The following XIRP2 variants were observed in gnomAD, a reference collection of about 807,000 sequenced individuals.
XIRP2 encodes the protein xin actin-binding repeat-containing protein 2.
Under a neutral mutation model 277.0 loss-of-function variants are expected in XIRP2, and 236 were observed. The observed-to-expected ratio is 0.85, with a 90% confidence interval of 0.77 to 0.95. The LOEUF (loss-of-function observed/expected upper bound fraction) is 0.95, where lower values mean the gene tolerates loss of function less well. Among genes scored for constraint, XIRP2 ranks in the 40% least tolerant of loss-of-function variants. The pLI, the probability that XIRP2 is intolerant of heterozygous loss-of-function variation, is 0.00. For synonymous variants in XIRP2, 1,490 were observed against 1,416.5 expected (o/e 1.05, Z -1.17); for missense variants, 4,640 against 4,157.5 (o/e 1.12, Z -3.19).
chr2:167,009,957 G>A (rs1220257712), intron 2 of XIRP2, among the ~76,000 whole-genome samples: 3 of 151,976 alleles, frequency 2.0e-5, no homozygotes, highest in Admixed American at 2.0e-4. Flanking sequence ...TATAGATTCT[G>A]GATATTAGCC....
At position 167,247,502 on chromosome 2, in the gene XIRP2, ATGCTC is replaced by A; in HGVS notation, c.6113_6117del (p.Ala2038GlyfsTer5). The stretch of plus-strand genomic sequence containing the variant: ...GTCATAGATCGTGAACAAAACAATG[ATGCTC>A]TGGAGAAAAGCCTTAGAAGACTATC... On this transcript the variant is annotated frameshift_variant, in exon 9 of 11. Transcript: ENST00000409195. LOFTEE classifies it high-confidence loss of function. 6.2e-7 allele frequency: 1 copy of A among 1,613,780 alleles called. No individual in the cohort carries two copies. Among genetic ancestry groups the A allele is most frequent in the Non-Finnish European group, 8.5e-7 (1 of 1,179,794 alleles).
chr2:167,134,828 G>A (rs970944688), intron 2 of XIRP2, among the ~76,000 whole-genome samples: 1 of 152,192 alleles, frequency 6.6e-6, no homozygotes, highest in East Asian at 1.9e-4. Flanking sequence ...GCAATACTAC[G>A]ATAGTCCATC....
chr2:167,234,976 C>T (rs932489717), intron 5 of XIRP2, among the ~76,000 whole-genome samples: 10 of 151,766 alleles, frequency 6.6e-5, no homozygotes, highest in Non-Finnish European at 1.5e-4. Context: ...AACATAGAAA[C>T]GAGTTTGTTT....
At position 167,249,032 on chromosome 2, in the gene XIRP2, C is replaced by A; in HGVS notation, c.7640C>A (p.Ala2547Asp). The change falls in exon 9 of 11, where the codon GCT becomes GAT. Residue 2547 changes from alanine to aspartate, a missense_variant. Transcript: ENST00000409195. Reference sequence around the variant, plus strand: ...AAATTTAAGACACCTTTAATGATTGCTGAAGAAAAATATAGACAACAAAAA... The same window carrying A: ...AAATTTAAGACACCTTTAATGATTGATGAAGAAAAATATAGACAACAAAAA... ...MRKFKTPLMI[A>D]EEKYRQQKEE... 1 of 1,610,982 alleles carries A rather than the reference C, an allele frequency of 6.2e-7. No individual in the cohort carries two copies. Among genetic ancestry groups the A allele is most frequent in the African/African-American group, 1.3e-5 (1 of 74,566 alleles).
intron 2 of XIRP2, among the ~76,000 whole-genome samples, chr2:166,918,874 G>A (rs1367011074): frequency 2.0e-5 from 3 of 152,044 alleles, no homozygotes; most frequent in South Asian, 2.1e-4. Flanking sequence ...CATCTAAACC[G>A]GTCTCAGGGT....
chr2:167,042,546 AG>A (rs1558959505), intron 2 of XIRP2, among the ~76,000 whole-genome samples: 2 of 152,192 alleles, frequency 1.3e-5, no homozygotes, highest in African/African-American at 4.8e-5. Flanking sequence ...AAAAATGAAC[AG>A]GGGTTGCCAT....
In XIRP2 at chr2:167,243,528, G is replaced by A. The variant is rs760074894; in HGVS notation, c.2136G>A (p.Glu712=). 2 of 1,614,024 alleles carry A rather than the reference G, an allele frequency of 1.2e-6. No homozygotes were observed. ...DQLGQLHSVD[E]VHLLQLRSEL... ...TTGGACAGCTTCATTCAGTGGATGAGGTTCATTTACTGCAGCTTAGGTCTG... is the reference window on the plus strand; with the variant it reads ...TTGGACAGCTTCATTCAGTGGATGAAGTTCATTTACTGCAGCTTAGGTCTG... Residue 712 remains glutamate (E), a synonymous_variant, in exon 9 of 11, where the codon GAG becomes GAA. Transcript: ENST00000409195.
chr2:166,974,288 A>C (rs1384737331), intron 2 of XIRP2, among the ~76,000 whole-genome samples: 1 of 152,188 alleles, frequency 6.6e-6, no homozygotes, highest in East Asian at 1.9e-4. Context: ...GAAATCCTTC[A>C]GTATGAAGAA....
At chr2:167,053,244 G>A (rs943191744) in intron 2 of XIRP2, among the ~76,000 whole-genome samples, 1 of 152,164 alleles carries the variant, frequency 6.6e-6, no homozygotes, top group Non-Finnish European at 1.5e-5. Flanking sequence ...AATGGGACAT[G>A]GACATATTGA....
chr2:167,065,700 G>A (rs1021556982), intron 2 of XIRP2, among the ~76,000 whole-genome samples: 3 of 151,680 alleles, frequency 2.0e-5, no homozygotes, highest in Admixed American at 1.3e-4. Flanking sequence ...ATTTCTTTAT[G>A]AGATCCAAAT....
At chr2:167,157,425 A>G (rs981837943) in intron 3 of XIRP2, among the ~76,000 whole-genome samples, 1 of 152,174 alleles carries the variant, frequency 6.6e-6, no homozygotes, top group African/African-American at 2.4e-5. Context: ...TCTCAAAGTC[A>G]ATATCCACTT....
chr2:167,208,408 C>G (rs1382466659), intron 3 of XIRP2, among the ~76,000 whole-genome samples: 1 of 152,102 alleles, frequency 6.6e-6, no homozygotes, highest in Non-Finnish European at 1.5e-5. Context: ...CCCGGGTTCA[C>G]GCCATTCTCC....
chr2:167,243,281 G>A lies in XIRP2; in HGVS notation c.1889G>A (p.Gly630Glu), dbSNP rs1296512703. The A allele has an allele frequency of 3.7e-6, 6 of 1,613,500 alleles. No homozygotes were observed. The highest frequency in any genetic ancestry group is 2.2e-5 in the East Asian group (1 of 44,808). The change falls in exon 9 of 11, where the codon GGG becomes GAG. Residue 630 changes from glycine to glutamate, a missense_variant. Physicochemically the swap from Gly to Glu is moderately conservative, Grantham distance 98 (BLOSUM62 -2). Coordinates refer to ENST00000409195, the MANE Select transcript of XIRP2 (RefSeq NM_152381.6). ...GAAACCCAACCCATCGACACACTTG[G>A]GGCTTATTCTTCTGACACTGTAGAA... Reference protein sequence around the residue: ...MFETQPIDTLGAYSSDTVENA... With the variant: ...MFETQPIDTLEAYSSDTVENA...
At chr2:167,209,400 A>G (rs937651084) in intron 3 of XIRP2, among the ~76,000 whole-genome samples, 2 of 152,180 alleles carry the variant, frequency 1.3e-5, no homozygotes, top group Non-Finnish European at 2.9e-5. Context: ...ATGGTTCAAC[A>G]TGGGGACTCA....
At chr2:166,973,793 A>G (rs530260477) in intron 2 of XIRP2, among the ~76,000 whole-genome samples, 1 of 152,362 alleles carries the variant, frequency 6.6e-6, no homozygotes, top group African/African-American at 2.4e-5. Flanking sequence ...GCATAAAGAC[A>G]TATATTCATT....
intron 2 of XIRP2, among the ~76,000 whole-genome samples, chr2:166,957,854 C>A (rs1686202149): frequency 6.6e-6 from 1 of 151,846 alleles, no homozygotes; most frequent in African/African-American, 2.4e-5. Flanking sequence ...CTGTATAAGA[C>A]ATGACTGCAC....
At chr2:166,912,436 C>G (rs1300643883) in intron 2 of XIRP2, among the ~76,000 whole-genome samples, 1 of 152,164 alleles carries the variant, frequency 6.6e-6, no homozygotes, top group Admixed American at 6.5e-5. Flanking sequence ...ACATAGTTCT[C>G]GTGCCATGTT....
At chr2:167,099,356 C>A (rs983974941) in intron 2 of XIRP2, among the ~76,000 whole-genome samples, 3 of 152,142 alleles carry the variant, frequency 2.0e-5, no homozygotes, top group Admixed American at 6.5e-5. Flanking sequence ...ACCCCTCCAC[C>A]CACCAAGCTC....
Position 167,246,177 on chromosome 2 carries a change from A to G in XIRP2, c.4785A>G (p.Ile1595Met), listed in dbSNP as rs775988832. 6.2e-7 allele frequency: 1 copy of G among 1,612,364 alleles called. No individual in the cohort carries two copies. Among genetic ancestry groups the G allele is most frequent in the Non-Finnish European group, 8.5e-7 (1 of 1,179,492 alleles). The change falls in exon 9 of 11, where the codon ATA becomes ATG. Residue 1595 changes from isoleucine (I) to methionine (M), a missense_variant. Coordinates refer to ENST00000409195, the MANE Select transcript of XIRP2 (RefSeq NM_152381.6). ...YKLMNQASPE[I>M]QKEEIIRADL... ...TAATGAACCAAGCATCTCCTGAGAT[A>G]CAGAAAGAAGAAATTATCAGGGCTG...
Sources: allele counts gnomAD v4.1 joint callset (sites outside exome capture counted in the v4.1 genomes callset), GRCh38; gene constraint gnomAD v4.1.1; transcripts MANE v1.5; gene names NCBI Gene and HGNC (gene_info 2026-07-23, HGNC 2026-07-21).